The following PCDHA8 variants were observed in gnomAD, a reference collection of about 807,000 sequenced individuals.
The protein encoded by PCDHA8 is protocadherin alpha 8, also known as protocadherin alpha-8.
In PCDHA8, 53 loss-of-function variants were observed where a neutral mutation model predicts 61.8. That is an observed-to-expected ratio of 0.86 (90% CI 0.69 to 1.08). PCDHA8 has a LOEUF of 1.08. Ranked by LOEUF, PCDHA8 falls within the 50% of genes least tolerant of loss-of-function variation. The pLI, the probability that PCDHA8 is intolerant of heterozygous loss-of-function variation, is 0.00. For synonymous variants in PCDHA8, 618 were observed against 556.6 expected (o/e 1.11, Z -1.55); for missense variants, 1,293 against 1,245.0 (o/e 1.04, Z -0.58).
chr5:140,869,302 G>T lies in PCDHA8; in HGVS notation c.2394+25587G>T. ...GCTGGTGCAGCGCCTGTTCCGGGTGGCGTCCAAAACACATGGGGACCTTCT... is the reference window on the plus strand; with the variant it reads ...GCTGGTGCAGCGCCTGTTCCGGGTGTCGTCCAAAACACATGGGGACCTTCT... On this transcript the variant is annotated intron_variant, in intron 1 of 3. Coordinates refer to ENST00000531613, the MANE Select transcript of PCDHA8 (RefSeq NM_018911.3). The T allele has an allele frequency of 6.2e-7, 1 of 1,613,642 alleles. No homozygotes were observed. Among genetic ancestry groups the T allele is most frequent in the Non-Finnish European group, 8.5e-7 (1 of 1,179,984 alleles).
intron 1 of PCDHA8, among the ~76,000 whole-genome samples, chr5:140,906,476 G>A (rs1284528767): frequency 1.3e-5 from 2 of 152,192 alleles, no homozygotes; most frequent in African/African-American, 4.8e-5. Context: ...TAGTACAAAT[G>A]TATAAATGCA....
intron 1 of PCDHA8, among the ~76,000 whole-genome samples, chr5:140,844,762 T>C (rs1779533544): frequency 6.7e-6 from 1 of 149,418 alleles, no homozygotes; most frequent in Non-Finnish European, 1.5e-5. Context: ...CTTTGAAAAA[T>C]CCAAGATACT....
intron 1 of PCDHA8, among the ~76,000 whole-genome samples, chr5:140,892,670 A>G (rs35160890): frequency 0.3 from 45,256 of 152,112 alleles, 7,290 homozygotes; most frequent in East Asian, 0.53. Context: ...ATTTTGATAC[A>G]TATATACAAT....
intron 1 of PCDHA8, among the ~76,000 whole-genome samples, chr5:140,931,140 G>C (rs1176305397): frequency 6.6e-6 from 1 of 152,070 alleles, no homozygotes; most frequent in African/African-American, 2.4e-5. Context: ...TATTTGCAGT[G>C]GATACTATTT....
intron 1 of PCDHA8, among the ~76,000 whole-genome samples, chr5:140,943,311 T>C (rs1281237979): frequency 1.3e-5 from 2 of 150,340 alleles, no homozygotes. Flanking sequence ...AAGTCATTAT[T>C]AGCAATATTG....
At chr5:140,965,496 A>AT (rs71766133) in intron 1 of PCDHA8, among the ~76,000 whole-genome samples, 6,292 of 146,438 alleles carry the variant, frequency 0.043, 368 homozygotes, top group African/African-American at 0.14. Flanking sequence ...ATGACAGCAG[A>AT]TTTTTTTTTT....
chr5:140,941,202 C>CCTTTTCTTCCTTTCTTT (rs2092814043), intron 1 of PCDHA8, among the ~76,000 whole-genome samples: 1 of 122,742 alleles, frequency 8.1e-6, no homozygotes, highest in Non-Finnish European at 1.8e-5. Flanking sequence ...TTTCTTTCTT[C>CCTTTTCTTCCTTTCTTT]CTTTCTTTCT....
intron 1 of PCDHA8, among the ~76,000 whole-genome samples, chr5:140,938,299 A>T (rs995168721): frequency 1.3e-5 from 2 of 152,192 alleles, no homozygotes; most frequent in Admixed American, 6.5e-5. Flanking sequence ...TTGCCTATGA[A>T]ATTCAGTATA....
At chr5:140,992,949 T>G (rs1554253294) in intron 3 of PCDHA8, among the ~76,000 whole-genome samples, 1 of 152,162 alleles carries the variant, frequency 6.6e-6, no homozygotes, top group Admixed American at 6.5e-5. Context: ...GGAGATTAAA[T>G]CACCCCTTAT....
In PCDHA8 at chr5:140,850,723, G is replaced by A; in HGVS notation, c.2394+7008G>A. ...GGCAAGCCGACGCTGGTGTGTTCTA[G>A]CGCGGTGGGGAGTTGGTCGTACTCG... On this transcript the variant is annotated intron_variant, in intron 1 of 3. Coordinates refer to ENST00000531613, the MANE Select transcript of PCDHA8 (RefSeq NM_018911.3). 17 of 1,598,038 alleles carry A rather than the reference G, an allele frequency of 1.1e-5. 1 individual carries two copies. The highest frequency in any genetic ancestry group is 1.5e-5 in the Non-Finnish European group (17 of 1,167,660).
intron 1 of PCDHA8, chr5:140,855,963 A>C (rs1291137660): frequency 1.4e-6 from 2 of 1,404,396 alleles, no homozygotes; most frequent in Non-Finnish European, 1.9e-6. Context: ...TAAAAAATAG[A>C]TATAAGAAAT....
chr5:140,868,978 C>T, intron 1 of PCDHA8: 2 of 1,484,292 alleles, frequency 1.3e-6, no homozygotes, highest in Non-Finnish European at 1.8e-6. Context: ...CTCCATCATA[C>T]CGGATGCCAC....
chr5:140,919,648 G>A (rs1482168238), intron 1 of PCDHA8, among the ~76,000 whole-genome samples: 7 of 151,936 alleles, frequency 4.6e-5, no homozygotes, highest in Non-Finnish European at 7.4e-5. Flanking sequence ...TTTCTCTAGA[G>A]TTTACCATAT....
intron 1 of PCDHA8, among the ~76,000 whole-genome samples, chr5:140,909,761 TC>T (rs1308608657): frequency 1.3e-5 from 2 of 152,052 alleles, no homozygotes; most frequent in Admixed American, 6.5e-5. Context: ...ACAGGATGAG[TC>T]CAGGGACCCA....
Position 140,850,666 on chromosome 5 carries a change from C to A in PCDHA8, c.2394+6951C>A, listed in dbSNP as rs2150492830. 6.9e-6 allele frequency: 11 copies of A among 1,598,434 alleles called. 3 individuals carry two copies. Among genetic ancestry groups the A allele is most frequent in the Middle Eastern group, 1.7e-4 (1 of 5,998 alleles). ...CTGCTGTACACTGTGCTGCGGTGCT[C>A]GGCGATGCCCACCGAGGGCGAGTGC... On this transcript the variant is annotated intron_variant, in intron 1 of 3. Transcript: ENST00000531613.
chr5:140,915,665 G>A (rs1208319882), intron 1 of PCDHA8, among the ~76,000 whole-genome samples: 1 of 149,092 alleles, frequency 6.7e-6, no homozygotes, highest in African/African-American at 2.5e-5. Context: ...TCAAGGTGCT[G>A]GGCCATCTTG....
chr5:140,937,219 T>A (rs555881657), intron 1 of PCDHA8, among the ~76,000 whole-genome samples: 4 of 151,838 alleles, frequency 2.6e-5, no homozygotes, highest in East Asian at 3.9e-4. Context: ...TTGTATTTTT[T>A]GTAGAGACGG....
intron 1 of PCDHA8, among the ~76,000 whole-genome samples, chr5:140,931,490 C>T (rs1209591038): frequency 6.6e-6 from 1 of 151,888 alleles, no homozygotes; most frequent in Non-Finnish European, 1.5e-5. Flanking sequence ...ACCCTTCAAA[C>T]CAAATTTTTA....
Position 140,927,792 on chromosome 5 carries a change from T to C in PCDHA8, c.2395-51157T>C, listed in dbSNP as rs12522306. On this transcript the variant is annotated intron_variant, in intron 1 of 3. Coordinates refer to ENST00000531613, the MANE Select transcript of PCDHA8 (RefSeq NM_018911.3). The stretch of plus-strand genomic sequence containing the variant: ...AGGTGCAAGTAGCTGCTTCACTAGG[T>C]CCGCCTGAAACGCTCTTGGAGGCAT... 8,419 of 1,614,148 alleles carry C rather than the reference T, an allele frequency of 5.2e-3. 630 individuals carry two copies. The Admixed American group carries it at 0.13, about 25-fold the overall frequency.
Sources: gnomAD v4.1 joint callset for allele counts (sites outside exome capture counted in the v4.1 genomes callset) on GRCh38, gnomAD v4.1.1 for gene constraint, MANE v1.5 for transcripts, NCBI Gene and HGNC (gene_info 2026-07-23, HGNC 2026-07-21) for gene names.